AKAP13: variants seen among roughly 807,000 people sequenced by gnomAD.
The protein encoded by AKAP13 is A-kinase anchor protein 13.
In AKAP13, 80 loss-of-function variants were observed where a neutral mutation model predicts 264.5. The ratio of observed to expected loss-of-function variants is 0.30; its 90% CI spans 0.25 to 0.36. AKAP13 has a LOEUF of 0.36. Ranked by LOEUF, AKAP13 falls within the 10% of genes least tolerant of loss-of-function variation. The probability of loss-of-function intolerance (pLI) is 1.00; values close to 1 mark genes in which losing one functional copy is unlikely to be tolerated. For synonymous variants in AKAP13, 1,380 were observed against 1,250.2 expected (o/e 1.10, Z -2.19); for missense variants, 3,712 against 3,435.2 (o/e 1.08, Z -2.01).
At chr15:85,504,624 C>G (rs368602203) in intron 2 of AKAP13, among the ~76,000 whole-genome samples, 1 of 144,054 alleles carries the variant, frequency 6.9e-6, no homozygotes. Context: ...CCTGGAAGAT[C>G]GAAGCTGCAG....
chr15:85,736,207 C>CT (rs878904305), intron 33 of AKAP13, 73 bp downstream of exon 33: 81,080 of 976,612 alleles, frequency 0.083, 2 homozygotes, highest in East Asian at 0.1. Context: ...TTGTTTTTTC[C>CT]TTTTTTTTTT....
intron 9 of AKAP13, among the ~76,000 whole-genome samples, chr15:85,641,407 C>G (rs1473806691): frequency 6.7e-6 from 1 of 149,832 alleles, no homozygotes; most frequent in Middle Eastern, 3.2e-3. Flanking sequence ...GATCATGCCA[C>G]TGCACTCCAG....
intron 1 of AKAP13, chr15:85,415,197 G>A (rs1596094324): frequency 2.8e-6 from 4 of 1,413,550 alleles, no homozygotes; most frequent in Non-Finnish European, 2.9e-6. Flanking sequence ...CGCAGACCCC[G>A]CTCTGCACGC....
intron 14 of AKAP13, among the ~76,000 whole-genome samples, chr15:85,680,435 T>C (rs2084523283): frequency 6.6e-6 from 1 of 152,336 alleles, no homozygotes; most frequent in Non-Finnish European, 1.5e-5. Flanking sequence ...TACCTGGCTG[T>C]TGTTACCATG....
chr15:85,618,821 C>T (rs1384708547), intron 8 of AKAP13, among the ~76,000 whole-genome samples: 1 of 152,184 alleles, frequency 6.6e-6, no homozygotes, highest in Non-Finnish European at 1.5e-5. Context: ...TAAATCAACT[C>T]CATCATCCCT....
At chr15:85,586,327 G>C (rs1180370537) in intron 8 of AKAP13, among the ~76,000 whole-genome samples, 1 of 151,780 alleles carries the variant, frequency 6.6e-6, no homozygotes, top group Admixed American at 6.6e-5. Context: ...CCTAATTTCA[G>C]CTGTGAGTAG....
rs762452934 is a variant in AKAP13, at chr15:85,748,098, A to G, written c.*3421A>G. ...CCACAGAAGTGCTTTCTATTTCATC[A>G]TTTTTGTTTCTAGGGCTCTTTTTCT... On this transcript the variant is annotated 3_prime_UTR_variant, in exon 37 of 37. Coordinates refer to ENST00000394518, the MANE Select transcript of AKAP13 (RefSeq NM_007200.5). 1 of 152,148 alleles carries G rather than the reference A, an allele frequency of 6.6e-6. No homozygotes were observed. The highest frequency in any genetic ancestry group is 1.5e-5 in the Non-Finnish European group (1 of 68,042). 9.4% of individuals were successfully genotyped at this position (152,148 alleles called of 1,614,324 possible).
intron 2 of AKAP13, among the ~76,000 whole-genome samples, chr15:85,508,503 G>T (rs146724682): frequency 6.6e-6 from 1 of 152,092 alleles, no homozygotes; most frequent in Non-Finnish European, 1.5e-5. Context: ...TCTGACGGGG[G>T]TGGTGGTACT....
At chr15:85,651,054 T>G (rs767532046) in intron 10 of AKAP13, among the ~76,000 whole-genome samples, 5 of 152,182 alleles carry the variant, frequency 3.3e-5, no homozygotes, top group Admixed American at 6.5e-5. Flanking sequence ...TTGGCAATAT[T>G]AAGCATGATT....
chr15:85,673,436 G>A (rs1296374907), intron 14 of AKAP13, among the ~76,000 whole-genome samples: 3 of 152,036 alleles, frequency 2.0e-5, no homozygotes, highest in Admixed American at 2.0e-4. Context: ...CAGTAGCACA[G>A]GTGCTGGCTG....
intron 25 of AKAP13, 119 bp downstream of exon 25, chr15:85,722,466 G>C (rs1369243351): frequency 1.2e-6 from 1 of 831,756 alleles, no homozygotes; most frequent in African/African-American, 1.7e-5. Context: ...AAGAGACCTT[G>C]TGTTTTATCT....
At chr15:85,387,197 G>A (rs573995821) in intron 1 of AKAP13, among the ~76,000 whole-genome samples, 5 of 151,992 alleles carry the variant, frequency 3.3e-5, no homozygotes, top group Admixed American at 6.6e-5. Context: ...ATAGCTGGGC[G>A]TGGTGGTGGG....
At chr15:85,683,007 A>G (rs2084687231) in intron 15 of AKAP13, among the ~76,000 whole-genome samples, 1 of 152,050 alleles carries the variant, frequency 6.6e-6, no homozygotes, top group Non-Finnish European at 1.5e-5. Context: ...CATTATTTTT[A>G]TTTAGGTTTT....
rs377141327 is a variant in AKAP13, at chr15:85,736,111, T to C, written c.7534T>C (p.Phe2512Leu). The change falls in exon 33 of 37, where the codon TTT (phenylalanine) becomes CTT (leucine). Residue 2512 changes from phenylalanine to leucine, a missense_variant. Physicochemically the swap from Phe to Leu is conservative, Grantham distance 22 (BLOSUM62 0). Transcript: ENST00000394518. ...LKKGGNANLV[F>L]MLKRNSEQVV... ...ATAGGGTGGAAATGCTAACCTGGTA[T>C]TTATGCTTAAAAGAAACAGTGAGGT... is the stretch of plus-strand genomic sequence containing the variant. 5 of 1,606,754 alleles carry C rather than the reference T, an allele frequency of 3.1e-6. No individual in the cohort carries two copies. The African/African-American group carries it at 5.4e-5, about 17-fold the overall frequency.
intron 1 of AKAP13, among the ~76,000 whole-genome samples, chr15:85,391,933 T>TTG (rs1231061908): frequency 6.6e-6 from 1 of 151,204 alleles, no homozygotes; most frequent in Non-Finnish European, 1.5e-5. Context: ...TGTAGGCATG[T>TTG]GCCACCATAC....
intron 17 of AKAP13, among the ~76,000 whole-genome samples, chr15:85,693,876 G>A (rs984761178): frequency 1.3e-5 from 2 of 152,208 alleles, no homozygotes; most frequent in African/African-American, 2.4e-5. Context: ...TAATGTAAGT[G>A]TTTTGAGCAT....
intron 5 of AKAP13, among the ~76,000 whole-genome samples, chr15:85,569,697 A>C (rs1398815209): frequency 6.6e-6 from 1 of 151,976 alleles, no homozygotes; most frequent in Admixed American, 6.5e-5. Context: ...AGGTGATCCA[A>C]AGTGCTGGGA....
intron 3 of AKAP13, 57 bp from the exon 4 acceptor site, chr15:85,533,527 G>T (rs769880379): frequency 1.3e-6 from 2 of 1,493,150 alleles, no homozygotes; most frequent in African/African-American, 1.4e-5. Flanking sequence ...ATCCACTAGC[G>T]TCCTTTCAGC....
intron 8 of AKAP13, chr15:85,624,765 G>T (rs538643838): frequency 6.6e-6 from 1 of 152,216 alleles, no homozygotes; most frequent in Admixed American, 6.5e-5. Context: ...CAGAAACACT[G>T]CCAGAAACAA....
Sources: gnomAD v4.1 joint callset for allele counts (sites outside exome capture counted in the v4.1 genomes callset) on GRCh38, gnomAD v4.1.1 for gene constraint, MANE v1.5 for transcripts, NCBI Gene and HGNC (gene_info 2026-07-23, HGNC 2026-07-21) for gene names.